PTPN18: variants seen among roughly 807,000 people sequenced by gnomAD.
PTPN18 encodes the protein protein tyrosine phosphatase non-receptor type 18, also known as tyrosine-protein phosphatase non-receptor type 18.
Under a neutral mutation model 65.4 loss-of-function variants are expected in PTPN18, and 65 were observed. The observed-to-expected ratio is 0.99, with a 90% CI of 0.81 to 1.22. The LOEUF (loss-of-function observed/expected upper bound fraction) is 1.22, where lower values mean the gene tolerates loss of function less well. Ranked by LOEUF, PTPN18 falls within the 50% of genes most tolerant of loss-of-function variation. The pLI, the probability that PTPN18 is intolerant of heterozygous loss-of-function variation, is 0.00. For synonymous variants in PTPN18, 255 were observed against 267.8 expected (o/e 0.95, Z 0.47); for missense variants, 616 against 646.5 (o/e 0.95, Z 0.51).
rs113428330 is a variant in PTPN18, at chr2:130,371,266, G to A, written c.992G>A (p.Arg331His). Residue 331 changes from arginine to histidine, a missense_variant, in exon 12 of 15, where the codon CGC becomes CAC. Arg to His is a conservative substitution (Grantham distance 29, BLOSUM62 0). This residue lies in a region of PTPN18 where 368 missense variants were observed against 386.7 expected (regional missense o/e 0.95). Coordinates refer to ENST00000175756, the MANE Select transcript of PTPN18 (RefSeq NM_014369.4). ...CCCCAGGCACTTCTCGCCATACCCC[G>A]CCCACCAGGAGGGGTCCTCAGGTAC... is the stretch of plus-strand genomic sequence containing the variant. The part of the protein sequence containing the change: ...RTPQALLAIP[R>H]PPGGVLRSIS... 77 of 1,604,982 alleles carry A rather than the reference G, an allele frequency of 4.8e-5. No homozygotes were observed. In the African/African-American group the frequency reaches 5.2e-4, roughly 11 times the overall value.
At chr2:130,359,127 C>A in intron 2 of PTPN18, 106 bp from the exon 3 acceptor site, 1 of 1,496,942 alleles carries the variant, frequency 6.7e-7, no homozygotes. Context: ...TTGGTGGGAT[C>A]TCTGCATGTG....
chr2:130,359,205 C>T, intron 2 of PTPN18, 28 bp from the exon 3 acceptor site: 1 of 1,613,240 alleles, frequency 6.2e-7, no homozygotes, highest in Non-Finnish European at 8.5e-7. Flanking sequence ...TACCCAAACT[C>T]CACGTTTCTC....
chr2:130,368,062 CT>C (rs1680442678), intron 5 of PTPN18, among the ~76,000 whole-genome samples: 1 of 151,984 alleles, frequency 6.6e-6, no homozygotes, highest in Admixed American at 6.6e-5. Context: ...TATTTTTCCT[CT>C]TTATAAATTC....
intron 5 of PTPN18, among the ~76,000 whole-genome samples, chr2:130,364,741 A>G (rs1452995475): frequency 6.6e-6 from 1 of 152,234 alleles, no homozygotes; most frequent in East Asian, 1.9e-4. Flanking sequence ...GCTTGCAGTG[A>G]GCCGAGATCG....
intron 1 of PTPN18, among the ~76,000 whole-genome samples, chr2:130,357,045 A>G (rs1340988118): frequency 3.3e-5 from 5 of 151,902 alleles, no homozygotes; most frequent in African/African-American, 9.7e-5. Flanking sequence ...ACAAAAATCA[A>G]CTGGGCATGG....
At chr2:130,372,835 C>T (rs756816426) in intron 13 of PTPN18, 38 bp from the exon 14 acceptor site, 23 of 1,610,398 alleles carry the variant, frequency 1.4e-5, no homozygotes, top group Non-Finnish European at 2.0e-5. Context: ...CTCCCTGGGG[C>T]TTCCGGAGCT....
At position 130,370,686 on chromosome 2, in the gene PTPN18, C is replaced by G; in HGVS notation, c.757-19C>G. On this transcript the variant is annotated intron_variant, in intron 9 of 14. Coordinates refer to ENST00000175756, the MANE Select transcript of PTPN18 (RefSeq NM_014369.4). ...CATGACCACGTGTCCTGCTCAAGTG[C>G]CTTGTCTGTCTGCCCCAGATGATCC... 2 of 1,614,104 alleles carry G rather than the reference C, an allele frequency of 1.2e-6. No homozygotes were observed. The highest frequency in any genetic ancestry group is 1.7e-6 in the Non-Finnish European group (2 of 1,179,932).
At position 130,370,181 on chromosome 2, in the gene PTPN18, T is replaced by A. The variant is rs1422506519; in HGVS notation, c.680T>A (p.Val227Asp). ...GGATCTGGCCCTGAACCCCTCTGTGTCCACTGCAGGTTTTGGAAATGGGCT... is the reference window on the plus strand; with the variant it reads ...GGATCTGGCCCTGAACCCCTCTGTGACCACTGCAGGTTTTGGAAATGGGCT... Reference protein sequence around the residue: ...LQGSGPEPLCVHCSAGCGRTG... With the variant: ...LQGSGPEPLCDHCSAGCGRTG... Residue 227 changes from valine to aspartate, a missense_variant, in exon 8 of 15, where the codon GTC (valine) becomes GAC (aspartate). Coordinates refer to ENST00000175756, the MANE Select transcript of PTPN18 (RefSeq NM_014369.4). 2 of 1,611,534 alleles carry A rather than the reference T, an allele frequency of 1.2e-6. No individual in the cohort carries two copies. Among genetic ancestry groups the A allele is most frequent in the Non-Finnish European group, 1.7e-6 (2 of 1,180,008 alleles).
intron 5 of PTPN18, 198 bp downstream of exon 5, chr2:130,359,844 C>T (rs1353675031): frequency 3.0e-6 from 2 of 655,950 alleles, no homozygotes; most frequent in Non-Finnish European, 5.3e-6. Flanking sequence ...CCCTCTCCTG[C>T]TGGGCTTCCC....
rs1214613880 is a variant in PTPN18 at position 130,370,102 on chromosome 2, C to T, written c.601C>T (p.Pro201Ser). Reference sequence around the variant, plus strand: ...TATGTCCTGGCCAGACCGTGGGGTCCCCAGCAGTCCTGACCACATGCTCGC... The same window carrying T: ...TATGTCCTGGCCAGACCGTGGGGTCTCCAGCAGTCCTGACCACATGCTCGC... ...QYMSWPDRGV[P>S]SSPDHMLAMV... Residue 201 changes from proline to serine, a missense_variant, in exon 8 of 15, where the codon CCC becomes TCC. By Grantham distance (74) the Pro-to-Ser change is moderately conservative (BLOSUM62 -1). Transcript: ENST00000175756. The T allele has an allele frequency of 1.9e-6, 3 of 1,614,112 alleles. No individual in the cohort carries two copies. The South Asian group carries it at 3.3e-5, about 18-fold the overall frequency.
At chr2:130,366,354 A>G (rs767824803) in intron 5 of PTPN18, among the ~76,000 whole-genome samples, 2 of 152,122 alleles carry the variant, frequency 1.3e-5, no homozygotes, top group Non-Finnish European at 2.9e-5. Context: ...AACGCTGTTG[A>G]GTTTTGTCAA....
chr2:130,357,337 C>T (rs1680005916), intron 1 of PTPN18, among the ~76,000 whole-genome samples: 1 of 152,208 alleles, frequency 6.6e-6, no homozygotes, highest in African/African-American at 2.4e-5. Context: ...AAAGTGTAAT[C>T]GCTTATGTAC....
intron 6 of PTPN18, 150 bp from the exon 7 acceptor site, chr2:130,369,615 T>C (rs1680489150): frequency 1.2e-6 from 1 of 807,368 alleles, no homozygotes; most frequent in Non-Finnish European, 1.9e-6. Context: ...TAATGAAAGC[T>C]TTGGGGAAAG....
At chr2:130,358,495 G>A (rs924016624) in intron 1 of PTPN18, among the ~76,000 whole-genome samples, 1 of 152,066 alleles carries the variant, frequency 6.6e-6, no homozygotes, top group Non-Finnish European at 1.5e-5. Context: ...AGTGTGCAGG[G>A]GGTGGGTGCC....
At chr2:130,362,170 G>T (rs778665352) in intron 5 of PTPN18, 2 of 469,426 alleles carry the variant, frequency 4.3e-6, no homozygotes, top group Non-Finnish European at 8.8e-6. Flanking sequence ...TAAGTCTCAC[G>T]TATAATCCAG....
chr2:130,361,891 A>C (rs917636864), intron 5 of PTPN18, among the ~76,000 whole-genome samples: 35 of 151,912 alleles, frequency 2.3e-4, no homozygotes, highest in African/African-American at 8.2e-4. Context: ...CTCGGCCTTA[A>C]ATTTCTTTAG....
At chr2:130,369,881 C>A (rs1344711213) in intron 7 of PTPN18, 54 bp downstream of exon 7, 1 of 1,543,594 alleles carries the variant, frequency 6.5e-7, no homozygotes, top group Non-Finnish European at 8.9e-7. Flanking sequence ...GGAGAGGTTT[C>A]CTCTCCTGTA....
rs375479461 is a variant in PTPN18 at position 130,362,132 on chromosome 2, T to A, written c.414+2486T>A. ...TACAGGCATACACCACCGTGCCTGATTAATTGTTTTTTATTTCTTGTAGAG... is the reference window on the plus strand; with the variant it reads ...TACAGGCATACACCACCGTGCCTGAATAATTGTTTTTTATTTCTTGTAGAG... On this transcript the variant is annotated intron_variant, in intron 5 of 14. Transcript: ENST00000175756. 33 of 470,448 alleles carry A rather than the reference T, an allele frequency of 7.0e-5. 3 individuals carry two copies. Among genetic ancestry groups the A allele is most frequent in the African/African-American group, 4.8e-4 (24 of 50,060 alleles). The allele number at this position is 470,448 out of a possible 1,614,324, so 29.1% of individuals were successfully genotyped here. A position where few individuals can be genotyped will look rare whatever the true frequency, so the allele number is the denominator to read the frequency against.
intron 8 of PTPN18, 106 bp from the exon 9 acceptor site, chr2:130,370,451 G>C (rs759683160): frequency 1.8e-5 from 24 of 1,311,014 alleles, no homozygotes; most frequent in Non-Finnish European, 2.6e-5. Flanking sequence ...GGAATCAAGA[G>C]GCTCTGCAGG....
Sources: gnomAD v4.1 joint callset for allele counts (sites outside exome capture counted in the v4.1 genomes callset) on GRCh38, gnomAD v4.1.1 for gene constraint, gnomAD v4.1.1 regional missense constraint, MANE v1.5 for transcripts, NCBI Gene and HGNC (gene_info 2026-07-23, HGNC 2026-07-21) for gene names.